The following SAMD8 variants were observed in gnomAD, a reference collection of about 807,000 sequenced individuals.
SAMD8 encodes the protein sphingomyelin synthase-related protein 1.
A neutral mutation model predicts 42.0 loss-of-function variants in SAMD8; 20 were observed. That is an observed-to-expected ratio of 0.48 (90% CI 0.34 to 0.69). SAMD8 has a LOEUF of 0.69. Among genes scored for constraint, SAMD8 ranks in the 30% least tolerant of loss-of-function variants. The pLI, the probability that SAMD8 is intolerant of heterozygous loss-of-function variation, is 0.01. For synonymous variants in SAMD8, 162 were observed against 173.0 expected (o/e 0.94, Z 0.50); for missense variants, 328 against 511.6 (o/e 0.64, Z 3.46).
At chr10:75,108,414 G>A (rs571787343), upstream of SAMD8, 18 of 914,638 alleles carry the variant, frequency 2.0e-5, no homozygotes, top group African/African-American at 2.8e-4. Flanking sequence ...TGTGTGTGTC[G>A]GGGGATCTTT....
At chr10:75,118,913 T>G (rs1452323192) in intron 1 of SAMD8, among the ~76,000 whole-genome samples, 1 of 152,196 alleles carries the variant, frequency 6.6e-6, no homozygotes, top group African/African-American at 2.4e-5. Flanking sequence ...TCTGCAAACA[T>G]GTAGTCTTTA....
intron 3 of SAMD8, among the ~76,000 whole-genome samples, chr10:75,165,336 A>G (rs1002345215): frequency 2.0e-5 from 3 of 151,944 alleles, no homozygotes; most frequent in Admixed American, 2.0e-4. Context: ...TCACATGTTT[A>G]GATGGAAGAA....
chr10:75,124,862 A>G (rs975189276), intron 1 of SAMD8, among the ~76,000 whole-genome samples: 8 of 151,224 alleles, frequency 5.3e-5, no homozygotes, highest in African/African-American at 1.7e-4. Flanking sequence ...GCTGGAATGC[A>G]ATGGCACAGT....
chr10:75,127,187 C>CA (rs11441219), intron 1 of SAMD8, among the ~76,000 whole-genome samples: 69,432 of 116,900 alleles, frequency 0.59, 19,174 homozygotes, highest in East Asian at 0.9. Context: ...GACTCTGTCT[C>CA]AAAAAAAAAA....
chr10:75,105,549 C>T (rs1411573275), intron 1 of SAMD8: 1 of 1,099,288 alleles, frequency 9.1e-7, no homozygotes, highest in Non-Finnish European at 1.3e-6. Context: ...CTTCCAGCCA[C>T]ACACAGCCCT....
rs890963313 is a variant in SAMD8, at chr10:75,150,617, T to C, written c.89T>C (p.Val30Ala). Residue 30 changes from valine to alanine, a missense_variant, in exon 2 of 6, where the codon GTG (valine) becomes GCG (alanine). Physicochemically the swap from Val to Ala is moderately conservative, Grantham distance 64. Transcript: ENST00000542569. ...WLKDEGFFEY[V>A]DILCNKHRLD... ...AAGGATGAAGGCTTTTTTGAATATG[T>C]GGACATTTTATGCAATAAGCACCGA... is the stretch of plus-strand genomic sequence containing the variant. The C allele has an allele frequency of 1.2e-6, 2 of 1,614,112 alleles. No homozygotes were observed. The highest frequency in any genetic ancestry group is 2.7e-5 in the African/African-American group (2 of 74,940).
chr10:75,151,593 C>T (rs1217657938), intron 2 of SAMD8, among the ~76,000 whole-genome samples: 1 of 152,204 alleles, frequency 6.6e-6, no homozygotes, highest in East Asian at 1.9e-4. Flanking sequence ...CTGAAACGAT[C>T]CTCCCACCTT....
At chr10:75,168,302 C>T (rs2132206145) in intron 3 of SAMD8, 1 of 361,940 alleles carries the variant, frequency 2.8e-6, no homozygotes, top group Non-Finnish European at 3.8e-6. Flanking sequence ...GGCCACATTT[C>T]AAGTCCGTAA....
At chr10:75,109,288 G>C, upstream of SAMD8, 1 of 1,070,254 alleles carries the variant, frequency 9.3e-7, no homozygotes, top group African/African-American at 1.6e-5. Flanking sequence ...GGGGCCTCTG[G>C]AGTGGACAAG....
At chr10:75,171,380 G>A (rs1358103917) in intron 4 of SAMD8, among the ~76,000 whole-genome samples, 2 of 150,640 alleles carry the variant, frequency 1.3e-5, no homozygotes, top group Non-Finnish European at 3.0e-5. Context: ...TGTTAGCCAG[G>A]ATGGTCTCGA....
intron 1 of SAMD8, among the ~76,000 whole-genome samples, chr10:75,128,083 T>C (rs1408825210): frequency 6.7e-6 from 1 of 148,504 alleles, no homozygotes. Context: ...ATTTTTTTTT[T>C]TTTTTTTTTT....
intron 3 of SAMD8, among the ~76,000 whole-genome samples, chr10:75,166,790 C>T (rs1157638149): frequency 6.6e-6 from 1 of 152,172 alleles, no homozygotes; most frequent in Admixed American, 6.5e-5. Context: ...CTGGAGTTTA[C>T]CTTACAGGAA....
chr10:75,155,303 G>A (rs1840384821), intron 2 of SAMD8, among the ~76,000 whole-genome samples: 1 of 152,064 alleles, frequency 6.6e-6, no homozygotes, highest in South Asian at 2.1e-4. Flanking sequence ...TTTGGTTTTC[G>A]ACATGTCAGG....
chr10:75,174,518 T>TA (rs1273043994), intron 4 of SAMD8, among the ~76,000 whole-genome samples: 87 of 141,784 alleles, frequency 6.1e-4, no homozygotes, highest in African/African-American at 2.1e-3. Flanking sequence ...CACCACAACC[T>TA]ACCCCTCCCG....
intron 4 of SAMD8, 168 bp from the exon 5 acceptor site, chr10:75,175,898 C>A (rs1190797391): frequency 2.0e-6 from 2 of 985,254 alleles, no homozygotes; most frequent in East Asian, 2.3e-4. Context: ...AAGCTTTGCC[C>A]ACCCATTCTT....
At chr10:75,124,625 A>G (rs1849087355) in intron 1 of SAMD8, among the ~76,000 whole-genome samples, 1 of 151,654 alleles carries the variant, frequency 6.6e-6, no homozygotes, top group African/African-American at 2.4e-5. Context: ...AAAAAAAAAA[A>G]AAAAGGTACC....
At chr10:75,138,064 A>G (rs894287945) in intron 1 of SAMD8, among the ~76,000 whole-genome samples, 4 of 152,110 alleles carry the variant, frequency 2.6e-5, no homozygotes, top group Non-Finnish European at 5.9e-5. Context: ...ACTTCAGTAA[A>G]ACAACTCCCA....
Position 75,176,388 on chromosome 10 carries a change from A to G in SAMD8, c.944A>G (p.Tyr315Cys), listed in dbSNP as rs1057325774. The part of the protein sequence containing the change: ...LTMLNFFVTE[Y>C]TPRSWNFLHT... Reference sequence around the variant, plus strand: ...AATGATCTTTCTGTCCTTTTCCTAGATACACCAAGAAGCTGGAATTTCTTG... The same window carrying G: ...AATGATCTTTCTGTCCTTTTCCTAGGTACACCAAGAAGCTGGAATTTCTTG... Residue 315 changes from tyrosine to cysteine, a missense_variant and splice_region_variant, in exon 6 of 6, where the codon TAT becomes TGT. Tyr to Cys is a radical substitution (Grantham distance 194). Transcript: ENST00000542569. The surrounding 1 kb of genome is among the most constrained non-coding windows in gnomAD (Gnocchi z 4.3). 1.3e-6 allele frequency: 2 copies of G among 1,552,836 alleles called. No homozygotes were observed. The highest frequency in any genetic ancestry group is 1.4e-5 in the African/African-American group (1 of 72,488).
intron 1 of SAMD8, among the ~76,000 whole-genome samples, chr10:75,128,233 C>T (rs1486813216): frequency 1.3e-5 from 2 of 151,966 alleles, no homozygotes; most frequent in East Asian, 3.9e-4. Flanking sequence ...CTACCACGTC[C>T]AGCTAATTTT....
Sources: allele counts gnomAD v4.1 joint callset (sites outside exome capture counted in the v4.1 genomes callset), GRCh38; gene constraint gnomAD v4.1.1; non-coding constraint Gnocchi (gnomAD v3.1); transcripts MANE v1.5; gene names NCBI Gene and HGNC (gene_info 2026-07-23, HGNC 2026-07-21).